Variants in RANBP17 observed in about 807,000 individuals in gnomAD.
The protein encoded by RANBP17 is ran-binding protein 17.
Under a neutral mutation model 141.2 loss-of-function variants are expected in RANBP17, and 158 were observed. That is an observed-to-expected ratio of 1.12 (90% CI 0.98 to 1.28). The LOEUF (loss-of-function observed/expected upper bound fraction) is 1.28. Among genes scored for constraint, RANBP17 ranks in the 50% most tolerant of loss-of-function variants. RANBP17 has a pLI of 0.00. For synonymous variants in RANBP17, 430 were observed against 450.0 expected (o/e 0.96, Z 0.56); for missense variants, 1,438 against 1,290.7 (o/e 1.11, Z -1.75).
chr5:171,059,541 G>T (rs1783661870), intron 14 of RANBP17, among the ~76,000 whole-genome samples: 1 of 151,680 alleles, frequency 6.6e-6, no homozygotes, highest in South Asian at 2.1e-4. Flanking sequence ...TTTGGTACCA[G>T]TACCATGCTG....
intron 14 of RANBP17, among the ~76,000 whole-genome samples, chr5:170,968,997 A>G (rs78547196): frequency 0.026 from 4,024 of 151,930 alleles, 160 homozygotes; most frequent in African/African-American, 0.091. Flanking sequence ...TCTTCGCCAT[A>G]AGAAGTTCTA....
chr5:171,217,572 C>G (rs898654404), intron 21 of RANBP17, among the ~76,000 whole-genome samples: 1 of 152,142 alleles, frequency 6.6e-6, no homozygotes, highest in African/African-American at 2.4e-5. Flanking sequence ...ATTACTGCCT[C>G]AATTTCAGAA....
At chr5:171,060,513 C>T (rs1157237051) in intron 14 of RANBP17, among the ~76,000 whole-genome samples, 1 of 152,010 alleles carries the variant, frequency 6.6e-6, no homozygotes, top group Non-Finnish European at 1.5e-5. Flanking sequence ...GGGATGAAGC[C>T]CACTTGATCA....
intron 18 of RANBP17, among the ~76,000 whole-genome samples, chr5:171,186,159 G>T (rs72494520): frequency 6.6e-6 from 1 of 152,118 alleles, no homozygotes; most frequent in Non-Finnish European, 1.5e-5. Context: ...TCAGCCTGGT[G>T]TTTGAAGCTT....
chr5:171,295,755 T>A (rs1768776490), intron 26 of RANBP17, 132 bp from the exon 27 acceptor site: 1 of 883,038 alleles, frequency 1.1e-6, no homozygotes, highest in Non-Finnish European at 1.7e-6. Context: ...AAGTTCAAAG[T>A]GGACCTAGAC....
chr5:170,969,078 A>G (rs771440819), intron 14 of RANBP17, among the ~76,000 whole-genome samples: 27 of 151,838 alleles, frequency 1.8e-4, no homozygotes, highest in Non-Finnish European at 3.5e-4. Flanking sequence ...TGAAAATTCT[A>G]AAATAAACTT....
intron 18 of RANBP17, among the ~76,000 whole-genome samples, chr5:171,193,682 G>T (rs1761795590): frequency 6.6e-6 from 1 of 152,048 alleles, no homozygotes; most frequent in Non-Finnish European, 1.5e-5. Flanking sequence ...GCTTTCCTTG[G>T]CTCATGGCCT....
At chr5:171,249,475 A>C (rs891483150) in intron 24 of RANBP17, among the ~76,000 whole-genome samples, 4 of 152,242 alleles carry the variant, frequency 2.6e-5, no homozygotes, top group Admixed American at 6.5e-5. Context: ...CAAAATACTG[A>C]TTTTAAAGCA....
chr5:171,241,251 G>T, intron 23 of RANBP17, 109 bp downstream of exon 23: 1 of 760,992 alleles, frequency 1.3e-6, no homozygotes. Context: ...AACATTTTAT[G>T]TTTTAAGACA....
chr5:170,909,543 A>C, intron 5 of RANBP17, 118 bp from the exon 6 acceptor site: 1 of 581,420 alleles, frequency 1.7e-6, no homozygotes, highest in Non-Finnish European at 3.0e-6. Context: ...AAATTGAAAC[A>C]GTCTAGAAAC....
intron 14 of RANBP17, among the ~76,000 whole-genome samples, chr5:171,135,775 C>A (rs1308631180): frequency 1.3e-5 from 2 of 152,052 alleles, no homozygotes; most frequent in Admixed American, 1.3e-4. Context: ...ATTCTTTGAT[C>A]ATTTCTCCTG....
chr5:170,862,522 C>T (rs932397921), intron 1 of RANBP17, among the ~76,000 whole-genome samples: 2 of 152,184 alleles, frequency 1.3e-5, no homozygotes, highest in African/African-American at 4.8e-5. Flanking sequence ...GAGCCCCAGC[C>T]GGAGCGGGGG....
At chr5:170,930,361 T>C (rs1433920223) in intron 12 of RANBP17, among the ~76,000 whole-genome samples, 1 of 151,650 alleles carries the variant, frequency 6.6e-6, no homozygotes, top group Admixed American at 6.6e-5. Flanking sequence ...ACGAGTTTTG[T>C]AGTTTTATTA....
intron 13 of RANBP17, among the ~76,000 whole-genome samples, chr5:170,958,971 G>T (rs1052212501): frequency 6.6e-6 from 1 of 152,190 alleles, no homozygotes; most frequent in Non-Finnish European, 1.5e-5. Flanking sequence ...TATGTATGCA[G>T]TTGCAATTTT....
chr5:171,098,608 G>A (rs147287257), intron 14 of RANBP17, among the ~76,000 whole-genome samples: 4,024 of 152,216 alleles, frequency 0.026, 174 homozygotes, highest in African/African-American at 0.091. Context: ...TCTGATGATA[G>A]TTTCTTTTGC....
intron 1 of RANBP17, among the ~76,000 whole-genome samples, chr5:170,862,676 GCGCGGA>G (rs924898207): frequency 5.3e-5 from 8 of 152,028 alleles, no homozygotes; most frequent in Admixed American, 5.2e-4. Context: ...GCGGGCGCGG[GCGCGGA>G]CGCGAGGATC....
At chr5:171,103,763 G>T (rs1787350653) in intron 14 of RANBP17, among the ~76,000 whole-genome samples, 1 of 152,164 alleles carries the variant, frequency 6.6e-6, no homozygotes, top group Non-Finnish European at 1.5e-5. Context: ...TGGTCTGTGG[G>T]TTGCAAAGAC....
chr5:171,040,312 T>C (rs1475668860), intron 14 of RANBP17, among the ~76,000 whole-genome samples: 2 of 152,168 alleles, frequency 1.3e-5, no homozygotes, highest in Admixed American at 6.6e-5. Context: ...ATTTTTGTTC[T>C]TGATAAGATA....
At chr5:171,153,457 A>G (rs1206644621) in intron 14 of RANBP17, among the ~76,000 whole-genome samples, 1 of 152,216 alleles carries the variant, frequency 6.6e-6, no homozygotes, top group Non-Finnish European at 1.5e-5. Flanking sequence ...TTGCCTAGGG[A>G]AAGATATTCC....
Sources: allele counts gnomAD v4.1 joint callset (sites outside exome capture counted in the v4.1 genomes callset), GRCh38; gene constraint gnomAD v4.1.1; transcripts MANE v1.5; gene names NCBI Gene and HGNC (gene_info 2026-07-23, HGNC 2026-07-21).